GLIS3: variants seen among roughly 807,000 people sequenced by gnomAD.
The protein encoded by GLIS3 is zinc finger protein GLIS3.
In GLIS3, 53 loss-of-function variants were observed where a neutral mutation model predicts 78.6. The ratio of observed to expected loss-of-function variants is 0.67; its 90% CI spans 0.54 to 0.85. GLIS3 has a LOEUF of 0.85. Ranked by LOEUF, GLIS3 falls within the 40% of genes least tolerant of loss-of-function variation. The pLI is 0.00. For synonymous variants in GLIS3, 684 were observed against 509.9 expected (o/e 1.34, Z -4.60); for missense variants, 1,703 against 1,231.1 (o/e 1.38, Z -5.74).
the GLIS3 span, among the ~76,000 whole-genome samples, chr9:4,467,058 C>G: frequency 1.6e-4 from 24 of 152,230 alleles, no homozygotes; most frequent in Non-Finnish European, 3.1e-4. Context: ...TGAGATTGAA[C>G]TGCAAGGTGG....
intron 4 of GLIS3, among the ~76,000 whole-genome samples, chr9:4,115,948 G>A (rs1268215918): frequency 1.3e-5 from 2 of 152,168 alleles, no homozygotes; most frequent in Admixed American, 1.3e-4. Context: ...ACAATACAAT[G>A]AGAAGCTATG....
At chr9:4,094,455 G>A (rs918976802) in intron 4 of GLIS3, among the ~76,000 whole-genome samples, 9 of 152,040 alleles carry the variant, frequency 5.9e-5, no homozygotes, top group South Asian at 2.1e-4. Context: ...GACAGGTTAC[G>A]TGCCAGTGCT....
In GLIS3 at chr9:3,969,325, C is replaced by G. The variant is rs1376504312; in HGVS notation, c.1711-32136G>C. On this transcript the variant is annotated intron_variant, in intron 4 of 10. Coordinates refer to ENST00000381971, the MANE Select transcript of GLIS3 (RefSeq NM_001042413.2). ...TATAATTCACATTAGGTTAGAAATG[C>G]AGAAGTTCAAAAGCGAGCAAACCTT... Among the ~76,000 whole-genome samples, 3 of 152,148 alleles carry G rather than the reference C, an allele frequency of 2.0e-5. No homozygotes were observed. In the East Asian group the frequency reaches 5.8e-4, roughly 29 times the overall value.
At chr9:4,450,014 G>A in the GLIS3 span, among the ~76,000 whole-genome samples, 1 of 152,164 alleles carries the variant, frequency 6.6e-6, no homozygotes, top group African/African-American at 2.4e-5. Context: ...GCTGACAGAA[G>A]TATGCTTCAG....
At chr9:4,248,262 C>T (rs1472266988) in intron 2 of GLIS3, among the ~76,000 whole-genome samples, 2 of 152,032 alleles carry the variant, frequency 1.3e-5, no homozygotes, top group Non-Finnish European at 2.9e-5. Flanking sequence ...CAACAGGCTC[C>T]AGTGTGTGAT....
At chr9:4,199,397 G>C (rs1020360174) in intron 2 of GLIS3, among the ~76,000 whole-genome samples, 2 of 151,764 alleles carry the variant, frequency 1.3e-5, no homozygotes, top group South Asian at 2.1e-4. Flanking sequence ...ACAAAAAAGA[G>C]TATAGGTAAC....
At chr9:4,158,066 T>C (rs1488797126) in intron 2 of GLIS3, among the ~76,000 whole-genome samples, 1 of 152,196 alleles carries the variant, frequency 6.6e-6, no homozygotes, top group African/African-American at 2.4e-5. Flanking sequence ...TTTTATTCTG[T>C]AGTTTAACAC....
In GLIS3 at chr9:4,117,758, G is replaced by C. The variant is rs200890980; in HGVS notation, c.1710+10C>G. Reference sequence around the variant, plus strand: ...CAAGAGAGGTCACCCCTTGCGCTTCGGAAACTCACCGTACACTTGTTGGGC... The same window carrying C: ...CAAGAGAGGTCACCCCTTGCGCTTCCGAAACTCACCGTACACTTGTTGGGC... On this transcript the variant is annotated intron_variant, in intron 4 of 10. Coordinates refer to ENST00000381971, the MANE Select transcript of GLIS3 (RefSeq NM_001042413.2). 1.2e-6 allele frequency: 2 copies of C among 1,614,102 alleles called. No homozygotes were observed. The highest frequency in any genetic ancestry group is 1.7e-6 in the Non-Finnish European group (2 of 1,180,030).
chr9:4,344,965 T>C (rs1189474662), intron 2 of GLIS3, among the ~76,000 whole-genome samples: 2 of 152,208 alleles, frequency 1.3e-5, no homozygotes, highest in Non-Finnish European at 2.9e-5. Context: ...TACTTATCTC[T>C]CATGTGAATT....
intron 1 of GLIS3, among the ~76,000 whole-genome samples, chr9:4,292,309 A>G (rs78749208): frequency 0.087 from 13,210 of 152,234 alleles, 629 homozygotes; most frequent in African/African-American, 0.14. Context: ...ATGGTGAACT[A>G]TTGGTTTTAC....
At chr9:4,145,124 A>T (rs1834116507) in intron 2 of GLIS3, 1 of 152,236 alleles carries the variant, frequency 6.6e-6, no homozygotes, top group African/African-American at 2.4e-5. Context: ...CTGTGATTTT[A>T]GACTTGGGCT....
intron 4 of GLIS3, among the ~76,000 whole-genome samples, chr9:3,986,433 CA>C (rs1363627148): frequency 2.0e-5 from 3 of 152,208 alleles, no homozygotes; most frequent in Admixed American, 6.5e-5. Flanking sequence ...TGTGATCTCT[CA>C]AGCAGATTTA....
intron 4 of GLIS3, among the ~76,000 whole-genome samples, chr9:4,114,778 G>C (rs529490218): frequency 6.6e-6 from 1 of 152,038 alleles, no homozygotes; most frequent in Non-Finnish European, 1.5e-5. Context: ...CCTGGAAAGA[G>C]AGCAGCTGGT....
chr9:4,373,501 C>T, the GLIS3 span, among the ~76,000 whole-genome samples: 1 of 152,118 alleles, frequency 6.6e-6, no homozygotes, highest in African/African-American at 2.4e-5. Flanking sequence ...ACTGTTGAAG[C>T]TGCACGTATT....
chr9:3,846,707 T>C (rs2130130141), intron 9 of GLIS3, among the ~76,000 whole-genome samples: 1 of 152,326 alleles, frequency 6.6e-6, no homozygotes, highest in South Asian at 2.1e-4. Flanking sequence ...AGGGCTGCCA[T>C]GGCCCAGAAC....
At chr9:4,478,202 A>G in the GLIS3 span, among the ~76,000 whole-genome samples, 2 of 152,192 alleles carry the variant, frequency 1.3e-5, no homozygotes, top group Non-Finnish European at 2.9e-5. Context: ...AGGGGCTCCC[A>G]TTGGCCAAAG....
At chr9:3,982,203 T>C (rs1819352026) in intron 4 of GLIS3, among the ~76,000 whole-genome samples, 1 of 151,800 alleles carries the variant, frequency 6.6e-6, no homozygotes, top group African/African-American at 2.4e-5. Context: ...GGAGGTACCT[T>C]TACCTCTCTG....
intron 4 of GLIS3, among the ~76,000 whole-genome samples, chr9:4,074,317 A>C (rs1422954275): frequency 1.3e-5 from 2 of 152,172 alleles, no homozygotes; most frequent in Non-Finnish European, 2.9e-5. Flanking sequence ...TTTGTCAGAG[A>C]AATTCTAGAA....
intron 2 of GLIS3, among the ~76,000 whole-genome samples, chr9:4,196,974 G>T (rs1483756357): frequency 6.6e-6 from 1 of 151,720 alleles, no homozygotes; most frequent in African/African-American, 2.4e-5. Context: ...TGGAGCATCT[G>T]CTTGCCTGGA....
Sources: gnomAD v4.1 joint callset for allele counts (sites outside exome capture counted in the v4.1 genomes callset) on GRCh38, gnomAD v4.1.1 for gene constraint, MANE v1.5 for transcripts, NCBI Gene and HGNC (gene_info 2026-07-23, HGNC 2026-07-21) for gene names.